TMEM30A: variants seen among roughly 807,000 people sequenced by gnomAD.
TMEM30A encodes the protein cell cycle control protein 50A.
A neutral mutation model predicts 38.2 loss-of-function variants in TMEM30A; 24 were observed. The ratio of observed to expected loss-of-function variants is 0.63; its 90% CI spans 0.46 to 0.88. TMEM30A has a LOEUF of 0.88. TMEM30A is among the 40% of genes least tolerant of loss of function. TMEM30A has a pLI of 0.00. For missense variants in TMEM30A, 370 were observed against 458.6 expected (o/e 0.81, Z 1.77); for synonymous variants, 145 against 161.6 (o/e 0.90, Z 0.78).
chr6:75,268,366 CTAAT>C (rs1772102125), intron 1 of TMEM30A, among the ~76,000 whole-genome samples: 3 of 152,184 alleles, frequency 2.0e-5, no homozygotes, highest in Non-Finnish European at 4.4e-5. Flanking sequence ...ACCAGAAAGA[CTAAT>C]TGTGTGATTG....
intron 1 of TMEM30A, among the ~76,000 whole-genome samples, chr6:75,269,692 T>C (rs911416843): frequency 1.3e-5 from 2 of 152,082 alleles, no homozygotes; most frequent in African/African-American, 4.8e-5. Context: ...AGTAAGAGTA[T>C]GTTTGCTTTT....
At chr6:75,283,616 C>A (rs931766727) in intron 1 of TMEM30A, among the ~76,000 whole-genome samples, 9 of 150,952 alleles carry the variant, frequency 6.0e-5, no homozygotes, top group African/African-American at 2.2e-4. Flanking sequence ...AGACAGTGCA[C>A]AACTTACTCC....
chr6:75,255,508 G>C lies in TMEM30A; in HGVS notation c.*594C>G, dbSNP rs1259672575. On this transcript the variant is annotated 3_prime_UTR_variant, in exon 7 of 7. Transcript: ENST00000230461. Reference sequence around the variant, plus strand: ...GAGCATTAATTCTTATGCCAGACAAGGTAAGCGTGTCCTTTGAAATCAAAG... The same window carrying C: ...GAGCATTAATTCTTATGCCAGACAACGTAAGCGTGTCCTTTGAAATCAAAG... 1 of 152,442 alleles carries C rather than the reference G, an allele frequency of 6.6e-6. No individual in the cohort carries two copies. Among genetic ancestry groups the C allele is most frequent in the East Asian group, 1.9e-4 (1 of 5,196 alleles). 9.4% of individuals were successfully genotyped at this position (152,442 alleles called of 1,614,324 possible). A position where few individuals can be genotyped will look rare whatever the true frequency, so the allele number is the denominator to read the frequency against.
chr6:75,268,070 G>C (rs1023649376), intron 1 of TMEM30A, among the ~76,000 whole-genome samples: 1 of 151,956 alleles, frequency 6.6e-6, no homozygotes, highest in Admixed American at 6.6e-5. Context: ...TAAAATACTA[G>C]ATTAACAGAG....
chr6:75,273,031 G>A (rs1427850832), intron 1 of TMEM30A: 1 of 152,302 alleles, frequency 6.6e-6, no homozygotes, highest in Non-Finnish European at 1.5e-5. Flanking sequence ...AACAGCAGCT[G>A]TGGCATCTGG....
intron 1 of TMEM30A, among the ~76,000 whole-genome samples, chr6:75,283,299 T>G (rs1772391228): frequency 9.5e-6 from 1 of 105,592 alleles, no homozygotes; most frequent in Non-Finnish European, 1.9e-5. Context: ...CAAAGTATAT[T>G]TATTAAAATG....
intron 1 of TMEM30A, among the ~76,000 whole-genome samples, 158 bp from the exon 2 acceptor site, chr6:75,267,906 T>C (rs956133241): frequency 3.3e-5 from 5 of 152,182 alleles, no homozygotes; most frequent in African/African-American, 7.2e-5. Flanking sequence ...CAGTGTGAGG[T>C]AGTAAAAACT....
At chr6:75,274,296 A>C (rs1217472635) in intron 1 of TMEM30A, among the ~76,000 whole-genome samples, 1 of 152,220 alleles carries the variant, frequency 6.6e-6, no homozygotes, top group Non-Finnish European at 1.5e-5. Flanking sequence ...TGTGGCTAGA[A>C]AAGCAGAAAG....
At position 75,254,298 on chromosome 6, in the gene TMEM30A, T is replaced by A. The variant is rs1435006907; in HGVS notation, c.*1804A>T. On this transcript the variant is annotated 3_prime_UTR_variant, in exon 7 of 7. Transcript: ENST00000230461. ...CAGCACAGACTCAATCTGGAAAGAGTGGCAGAAACCCCTCTCCCCCAACAA... is the reference window on the plus strand; with the variant it reads ...CAGCACAGACTCAATCTGGAAAGAGAGGCAGAAACCCCTCTCCCCCAACAA... 1 of 151,780 alleles carries A rather than the reference T, an allele frequency of 6.6e-6. No homozygotes were observed. The highest frequency in any genetic ancestry group is 2.4e-5 in the African/African-American group (1 of 41,316). 9.4% of individuals were successfully genotyped at this position (151,780 alleles called of 1,614,324 possible). A position where few individuals can be genotyped will look rare whatever the true frequency, so the allele number is the denominator to read the frequency against.
chr6:75,260,815 A>T lies in TMEM30A; in HGVS notation c.541+9T>A, dbSNP rs751876397. 1 of 1,550,154 alleles carries T rather than the reference A, an allele frequency of 6.5e-7. No homozygotes were observed. Among genetic ancestry groups the T allele is most frequent in the Admixed American group, 2.1e-5 (1 of 48,564 alleles). ...ATTATATATGTCTATATTTGTATCT[A>T]TATCATACCATTAAACATGCTGTTG... On this transcript the variant is annotated intron_variant, in intron 4 of 6. Coordinates refer to ENST00000230461, the MANE Select transcript of TMEM30A (RefSeq NM_018247.4).
chr6:75,279,813 T>C (rs918666671), intron 1 of TMEM30A, among the ~76,000 whole-genome samples: 2 of 152,178 alleles, frequency 1.3e-5, no homozygotes, highest in South Asian at 2.1e-4. Context: ...TTTTTTACAC[T>C]ATATAGGAAA....
intron 3 of TMEM30A, among the ~76,000 whole-genome samples, chr6:75,264,939 A>C (rs1439697782): frequency 6.6e-6 from 1 of 151,958 alleles, no homozygotes; most frequent in Non-Finnish European, 1.5e-5. Flanking sequence ...ATCTCTACTA[A>C]AAATACAAAA....
At chr6:75,259,266 A>T in intron 5 of TMEM30A, 81 bp downstream of exon 5, 1 of 1,447,516 alleles carries the variant, frequency 6.9e-7, no homozygotes, top group Non-Finnish European at 9.3e-7. Context: ...GCATAACTTT[A>T]AGATTCTGAA....
intron 6 of TMEM30A, among the ~76,000 whole-genome samples, chr6:75,258,467 T>C (rs1771906047): frequency 1.3e-5 from 2 of 152,134 alleles, no homozygotes; most frequent in Admixed American, 1.3e-4. Context: ...GGTACTCTCA[T>C]TGGCCTTTAC....
rs574551020 is a variant in TMEM30A, at chr6:75,274,523, C to CTT, written c.238-6777_238-6776dup. 3.6e-3 allele frequency among the ~76,000 whole-genome samples: 550 copies of CTT among 152,284 alleles called. 1 individual carries two copies. Among genetic ancestry groups the CTT allele is most frequent in the Non-Finnish European group, 5.8e-3 (396 of 68,022 alleles). ...TAATCCAGGTGAAAAATGTTGAGAA[C>CTT]TTAAACTAATAAAGTGGCAGCAGGA... On this transcript the variant is annotated intron_variant, in intron 1 of 6. Transcript: ENST00000230461.
intron 4 of TMEM30A, among the ~76,000 whole-genome samples, chr6:75,259,934 A>G (rs1771934544): frequency 6.6e-6 from 1 of 152,190 alleles, no homozygotes; most frequent in African/African-American, 2.4e-5. Context: ...ATAAGTGTAC[A>G]ATACACATCA....
In TMEM30A at chr6:75,280,180, A is replaced by T. The variant is rs539426579; in HGVS notation, c.237+4222T>A. ...CTAAATCTGTACAAAGACAGAACCT[A>T]AGCAATTGCCAGGGATCATTACACC... On this transcript the variant is annotated intron_variant, in intron 1 of 6. Transcript: ENST00000230461. Among the ~76,000 whole-genome samples, 70 of 152,300 alleles carry T rather than the reference A, an allele frequency of 4.6e-4. 1 individual carries two copies. The highest frequency in any genetic ancestry group is 1.7e-3 in the African/African-American group (69 of 41,568).
At position 75,284,426 on chromosome 6, in the gene TMEM30A, G is replaced by C; in HGVS notation, c.213C>G (p.Thr71=). ...FIPIGIGIFV[T]SNNIREIEID... is the part of the protein sequence containing the mutation. Reference sequence around the variant, plus strand: ...CCTCGATCTCGCGGATGTTGTTGGAGGTGACAAAAATGCCAATGCCGATGG... The same window carrying C: ...CCTCGATCTCGCGGATGTTGTTGGACGTGACAAAAATGCCAATGCCGATGG... The change falls in exon 1 of 7, where the codon ACC becomes ACG. Residue 71 remains threonine (T), a synonymous_variant. Transcript: ENST00000230461. 6.2e-7 allele frequency: 1 copy of C among 1,614,124 alleles called. No individual in the cohort carries two copies.
At chr6:75,266,639 G>T (rs953649110) in intron 2 of TMEM30A, among the ~76,000 whole-genome samples, 1 of 152,148 alleles carries the variant, frequency 6.6e-6, no homozygotes, top group Non-Finnish European at 1.5e-5. Context: ...TTTTGAATGG[G>T]AGAGAAAATT....
Sources: gnomAD v4.1 joint callset for allele counts (sites outside exome capture counted in the v4.1 genomes callset) on GRCh38, gnomAD v4.1.1 for gene constraint, MANE v1.5 for transcripts, NCBI Gene and HGNC (gene_info 2026-07-23, HGNC 2026-07-21) for gene names.